The following TMEM53 variants were observed in gnomAD, a reference collection of about 807,000 sequenced individuals.
TMEM53 encodes novel DUF829 domain-containing protein.
A neutral mutation model predicts 21.4 loss-of-function variants in TMEM53; 14 were observed. The observed-to-expected ratio is 0.65, with a 90% CI of 0.43 to 1.02. The LOEUF is 1.02. TMEM53 is among the 50% of genes least tolerant of loss of function. The pLI, the probability that TMEM53 is intolerant of heterozygous loss-of-function variation, is 0.00. For missense variants in TMEM53, 323 were observed against 383.6 expected, an observed-to-expected ratio of 0.84 and a Z score of 1.32; for synonymous variants, 148 against 157.4, an observed-to-expected ratio of 0.94 and a Z score of 0.45.
At chr1:44,663,234 TTTGTTGTTG>T (rs202108047) in intron 1 of TMEM53, among the ~76,000 whole-genome samples, 4 of 151,688 alleles carry the variant, frequency 2.6e-5, no homozygotes, top group Admixed American at 6.6e-5. Flanking sequence ...TAAAAACACT[TTTGTTGTTG>T]TTGTTGTTGT....
At chr1:44,659,589 G>A (rs1357836343) in intron 2 of TMEM53, among the ~76,000 whole-genome samples, 1 of 152,214 alleles carries the variant, frequency 6.6e-6, no homozygotes, top group Admixed American at 6.5e-5. Flanking sequence ...GGGAAAGGAG[G>A]AGGTCCTGGG....
At chr1:44,659,027 C>G (rs938258927) in intron 2 of TMEM53, among the ~76,000 whole-genome samples, 1 of 152,192 alleles carries the variant, frequency 6.6e-6, no homozygotes, top group Non-Finnish European at 1.5e-5. Flanking sequence ...AATGAAGAAG[C>G]CAGACAAGCC....
In TMEM53 at chr1:44,674,416, G is replaced by T. The variant is rs367994038; in HGVS notation, c.-25C>A. 1.1e-5 allele frequency: 17 copies of T among 1,597,900 alleles called. No individual in the cohort carries two copies. Among genetic ancestry groups the T allele is most frequent in the Non-Finnish European group, 1.4e-5 (17 of 1,173,074 alleles). On this transcript the variant is annotated 5_prime_UTR_variant, in exon 1 of 3. Coordinates refer to ENST00000372237, the MANE Select transcript of TMEM53 (RefSeq NM_024587.4). ...TGGTGAAGGCGCCGGCCCAGAGCACGGGTCTCCAGCCGGAACTCCCGCTTG... is the reference window on the plus strand; with the variant it reads ...TGGTGAAGGCGCCGGCCCAGAGCACTGGTCTCCAGCCGGAACTCCCGCTTG...
rs546853597 is a variant in TMEM53, at chr1:44,666,480, C to A, written c.62-6185G>T. 2.0e-5 allele frequency among the ~76,000 whole-genome samples: 3 copies of A among 152,318 alleles called. No homozygotes were observed. The East Asian group carries it at 5.8e-4, about 29-fold the overall frequency. ...AAGGTGGAAACATACCTCCTATCAT[C>A]TGTGAACAGATAAGCAAAATGTGAT... On this transcript the variant is annotated intron_variant, in intron 1 of 2. Transcript: ENST00000372237.
At chr1:44,671,484 AGGT>A (rs1325449285) in intron 1 of TMEM53, among the ~76,000 whole-genome samples, 1 of 152,250 alleles carries the variant, frequency 6.6e-6, no homozygotes, top group East Asian at 1.9e-4. Flanking sequence ...ATTTCAGGCC[AGGT>A]GCAGTGGCTC....
At chr1:44,662,312 C>T (rs969725391) in intron 1 of TMEM53, among the ~76,000 whole-genome samples, 1 of 152,204 alleles carries the variant, frequency 6.6e-6, no homozygotes, top group Admixed American at 6.5e-5. Context: ...ACCTGCCAGC[C>T]CTCCCGGCCT....
chr1:44,666,853 G>T (rs6679650), intron 1 of TMEM53, among the ~76,000 whole-genome samples: 72,928 of 149,712 alleles, frequency 0.49, 18,314 homozygotes, highest in Middle Eastern at 0.62. Flanking sequence ...TTTTTTTTTT[G>T]TTTTGTTTTG....
At chr1:44,660,075 C>T in intron 2 of TMEM53, 99 bp downstream of exon 2, 2 of 1,443,666 alleles carry the variant, frequency 1.4e-6, no homozygotes, top group Non-Finnish European at 1.9e-6. Flanking sequence ...CCAGGCTGGT[C>T]TCGAACTCTA....
chr1:44,655,273 C>T lies in TMEM53; in HGVS notation c.184-64G>A, dbSNP rs891477310. On this transcript the variant is annotated intron_variant, in intron 2 of 2. Coordinates refer to ENST00000372237, the MANE Select transcript of TMEM53 (RefSeq NM_024587.4). The surrounding 1 kb of genome is among the most constrained non-coding windows in gnomAD (Gnocchi z 4.4). ...GGGGGTAGTGGGTACAAGCTAAGGT[C>T]AGAGGGGCCCAGCAACCCCAGCCTG... 8 of 1,479,446 alleles carry T rather than the reference C, an allele frequency of 5.4e-6. No individual in the cohort carries two copies. Among genetic ancestry groups the T allele is most frequent in the Non-Finnish European group, 6.3e-6 (7 of 1,103,670 alleles). The allele number at this position is 1,479,446 out of a possible 1,614,324, so 91.6% of individuals were successfully genotyped here. A position where few individuals can be genotyped will look rare whatever the true frequency, so the allele number is the denominator to read the frequency against.
rs777016067 is a variant in TMEM53, at chr1:44,654,984, C to G, written c.409G>C (p.Val137Leu). The G allele has an allele frequency of 1.2e-6, 2 of 1,613,958 alleles. No individual in the cohort carries two copies. Among genetic ancestry groups the G allele is most frequent in the South Asian group, 2.2e-5 (2 of 91,062 alleles). The change falls in exon 3 of 3, where the codon GTG becomes CTG. Residue 137 changes from valine (V) to leucine (L), a missense_variant. Physicochemically the swap from Val to Leu is conservative, Grantham distance 32 (BLOSUM62 1). Coordinates refer to ENST00000372237, the MANE Select transcript of TMEM53 (RefSeq NM_024587.4). The surrounding 1 kb of genome is among the most constrained non-coding windows in gnomAD (Gnocchi z 7.0). The part of the protein sequence containing the change: ...LQTRRFCRLR[V>L]VGTIFDSAPG... Reference sequence around the variant, plus strand: ...GCGCTGTCAAAGATGGTGCCCACCACACGCAGGCGGCAGAAGCGACGGGTC... The same window carrying G: ...GCGCTGTCAAAGATGGTGCCCACCAGACGCAGGCGGCAGAAGCGACGGGTC...
intron 1 of TMEM53, among the ~76,000 whole-genome samples, chr1:44,671,616 T>G (rs1263474939): frequency 6.6e-6 from 1 of 152,102 alleles, no homozygotes; most frequent in Non-Finnish European, 1.5e-5. Context: ...AATGAAAATT[T>G]TTTAAACTGA....
intron 1 of TMEM53, among the ~76,000 whole-genome samples, chr1:44,671,254 A>AC (rs1422623507): frequency 6.6e-6 from 1 of 152,246 alleles, no homozygotes; most frequent in Non-Finnish European, 1.5e-5. Flanking sequence ...AGGCCTGGGC[A>AC]GACGACCATC....
rs1644837942 is a variant in TMEM53 at position 44,655,167 on chromosome 1, A to C, written c.226T>G (p.Phe76Val). 5.0e-6 allele frequency: 8 copies of C among 1,613,474 alleles called. No homozygotes were observed. Among genetic ancestry groups the C allele is most frequent in the East Asian group, 2.2e-5 (1 of 44,874 alleles). The change falls in exon 3 of 3, where the codon TTC (phenylalanine) becomes GTC (valine). Residue 76 changes from phenylalanine (F) to valine (V), a missense_variant. Transcript: ENST00000372237. The surrounding 1 kb of genome is among the most constrained non-coding windows in gnomAD (Gnocchi z 4.4). ...IRYTAPWHMVFFSESLGIPSL... is the reference protein window; with the variant it reads ...IRYTAPWHMVVFSESLGIPSL... Reference sequence around the variant, plus strand: ...GGGATACCCAGTGACTCGGAGAAGAAGACCATGTGCCACGGGGCTGTGTAT... The same window carrying C: ...GGGATACCCAGTGACTCGGAGAAGACGACCATGTGCCACGGGGCTGTGTAT...
At chr1:44,670,990 G>A (rs1644995305) in intron 1 of TMEM53, among the ~76,000 whole-genome samples, 2 of 152,160 alleles carry the variant, frequency 1.3e-5, no homozygotes, top group African/African-American at 4.8e-5. Context: ...GCTCTGGCTT[G>A]GGCCTACAGT....
At position 44,654,730 on chromosome 1, in the gene TMEM53, T is replaced by G. The variant is rs777802767; in HGVS notation, c.663A>C (p.Glu221Asp). 6.2e-7 allele frequency: 1 copy of G among 1,614,112 alleles called. No homozygotes were observed. Among genetic ancestry groups the G allele is most frequent in the South Asian group, 1.1e-5 (1 of 91,082 alleles). Residue 221 changes from glutamate (E) to aspartate (D), a missense_variant, in exon 3 of 3, where the codon GAA becomes GAC. Around this residue, in one of 3 missense-constraint regions of TMEM53, gnomAD observed 269 missense variants for 334.5 expected, o/e 0.80. Coordinates refer to ENST00000372237, the MANE Select transcript of TMEM53 (RefSeq NM_024587.4). This position sits in a 1 kb window ranked among gnomAD's most constrained non-coding sequence, Gnocchi z 7.0. ...GTTCTATGTCTCTGGCCAGGACTAC[T>G]TCGTCAGCCCTCGAGTAGAGGTAGA... ...PELYLYSRADEVVLARDIERM... is the reference protein window; with the variant it reads ...PELYLYSRADDVVLARDIERM...
chr1:44,661,751 C>T (rs1557493740), intron 1 of TMEM53, among the ~76,000 whole-genome samples: 1 of 152,058 alleles, frequency 6.6e-6, no homozygotes, highest in East Asian at 1.9e-4. Context: ...TGCTCCCCAC[C>T]CTAAACTACT....
chr1:44,660,875 A>G (rs1403361139), intron 1 of TMEM53, among the ~76,000 whole-genome samples: 1 of 151,738 alleles, frequency 6.6e-6, no homozygotes. Context: ...CAGGAGGCCA[A>G]GGCAGGAGAA....
intron 1 of TMEM53, among the ~76,000 whole-genome samples, chr1:44,665,051 G>C (rs1644935965): frequency 6.6e-6 from 1 of 151,960 alleles, no homozygotes; most frequent in South Asian, 2.1e-4. Flanking sequence ...TTACTTCCAG[G>C]AAGCCTTCCT....
intron 1 of TMEM53, among the ~76,000 whole-genome samples, chr1:44,670,200 C>G (rs987528862): frequency 6.6e-5 from 8 of 120,982 alleles, no homozygotes; most frequent in African/African-American, 2.8e-4. Flanking sequence ...TTGGGGTCCT[C>G]GTAGACAAGA....
Sources: gnomAD v4.1 joint callset for allele counts (sites outside exome capture counted in the v4.1 genomes callset) on GRCh38, gnomAD v4.1.1 for gene constraint, gnomAD v4.1.1 regional missense constraint, Gnocchi (gnomAD v3.1) non-coding constraint, MANE v1.5 for transcripts, NCBI Gene and HGNC (gene_info 2026-07-23, HGNC 2026-07-21) for gene names.